The following ADGRL3 variants were observed in gnomAD, a reference collection of about 807,000 sequenced individuals.
The protein encoded by ADGRL3 is adhesion G protein-coupled receptor L3, also known as calcium-independent alpha-latrotoxin receptor 3.
In ADGRL3, 62 loss-of-function variants were observed where a neutral mutation model predicts 153.5. The ratio of observed to expected loss-of-function variants is 0.40; its 90% confidence interval spans 0.33 to 0.50. The LOEUF is 0.50. Ranked by LOEUF, ADGRL3 falls within the 20% of genes least tolerant of loss-of-function variation. The pLI is 0.47. For synonymous variants in ADGRL3, 710 were observed against 672.5 expected (o/e 1.06, Z -0.86); for missense variants, 1,641 against 1,859.4 (o/e 0.88, Z 2.16).
At position 62,078,082 on chromosome 4, in the gene ADGRL3, T is replaced by G. The variant is rs1451921259; in HGVS notation, c.*7174T>G. 1 of 152,016 alleles carries G rather than the reference T, an allele frequency of 6.6e-6. No individual in the cohort carries two copies. The highest frequency in any genetic ancestry group is 1.5e-5 in the Non-Finnish European group (1 of 67,896). The allele number at this position is 152,016 out of a possible 1,614,324, so 9.4% of individuals were successfully genotyped here. A position where few individuals can be genotyped will look rare whatever the true frequency, so the allele number is the denominator to read the frequency against. On this transcript the variant is annotated 3_prime_UTR_variant, in exon 27 of 27. Coordinates refer to ENST00000683033, the MANE Select transcript of ADGRL3 (RefSeq NM_001387552.1). ...ATAGTTTATTTTTAAAACTAACAAC[T>G]AATTGTGTTATTCCTTGTTGATAAG...
At chr4:61,604,034 T>A (rs2149566525) in intron 5 of ADGRL3, among the ~76,000 whole-genome samples, 1 of 152,308 alleles carries the variant, frequency 6.6e-6, no homozygotes, top group African/African-American at 2.4e-5. Context: ...TAAATTTGAA[T>A]TCTAATTTTA....
chr4:61,373,199 G>T (rs1040155899), intron 1 of ADGRL3, among the ~76,000 whole-genome samples: 3 of 152,160 alleles, frequency 2.0e-5, no homozygotes, highest in Non-Finnish European at 4.4e-5. Context: ...CGTCGCTCAG[G>T]CTGGGAGCTG....
At chr4:61,877,053 G>A (rs138525792) in intron 9 of ADGRL3, among the ~76,000 whole-genome samples, 12 of 152,230 alleles carry the variant, frequency 7.9e-5, no homozygotes, top group African/African-American at 1.9e-4. Flanking sequence ...GAGGTTAGCA[G>A]AACATGGATT....
At chr4:61,835,532 C>T (rs139732256) in intron 9 of ADGRL3, among the ~76,000 whole-genome samples, 2 of 151,920 alleles carry the variant, frequency 1.3e-5, no homozygotes, top group Admixed American at 6.6e-5. Flanking sequence ...AAAATAAATC[C>T]TTTTAAACTT....
At chr4:61,259,048 A>C (rs2092273738) in intron 1 of ADGRL3, among the ~76,000 whole-genome samples, 1 of 152,194 alleles carries the variant, frequency 6.6e-6, no homozygotes, top group South Asian at 2.1e-4. Context: ...CATCAATTGA[A>C]CTTACCTCAA....
intron 2 of ADGRL3, among the ~76,000 whole-genome samples, chr4:61,430,442 G>A (rs1056067487): frequency 5.3e-5 from 8 of 152,178 alleles, no homozygotes; most frequent in Non-Finnish European, 1.0e-4. Context: ...ATTTATAAAA[G>A]TATATCAATG....
In ADGRL3 at chr4:62,031,528, T is replaced by G. The variant is rs1244521229; in HGVS notation, c.3509T>G (p.Val1170Gly). 2 of 1,610,546 alleles carry G rather than the reference T, an allele frequency of 1.2e-6. No individual in the cohort carries two copies. Among genetic ancestry groups the G allele is most frequent in the African/African-American group, 1.3e-5 (1 of 74,870 alleles). The change falls in exon 23 of 27, where the codon GTC (valine) becomes GGC (glycine). Residue 1170 changes from valine (V) to glycine (G), a missense_variant. Coordinates refer to ENST00000683033, the MANE Select transcript of ADGRL3 (RefSeq NM_001387552.1). ...CTCATGTATATTAATGAAAGCACAG[T>G]CATCATGGCCTATCTCTTCACCATT... is the stretch of plus-strand genomic sequence containing the variant. ...FGLMYINEST[V>G]IMAYLFTIFN...
chr4:61,849,046 T>A (rs2098170110), intron 9 of ADGRL3, among the ~76,000 whole-genome samples: 1 of 152,182 alleles, frequency 6.6e-6, no homozygotes. Flanking sequence ...TAGCAAGTTA[T>A]AAGTTATACA....
intron 5 of ADGRL3, among the ~76,000 whole-genome samples, chr4:61,659,468 C>A (rs1439991252): frequency 6.6e-6 from 1 of 152,156 alleles, no homozygotes; most frequent in South Asian, 2.1e-4. Flanking sequence ...GCAGTGGACA[C>A]ATGGTAGTCT....
intron 1 of ADGRL3, among the ~76,000 whole-genome samples, chr4:61,268,812 G>A (rs2149740595): frequency 6.6e-6 from 1 of 151,642 alleles, no homozygotes; most frequent in Middle Eastern, 3.4e-3. Flanking sequence ...GAAAATATAT[G>A]ATCAAGTTGT....
intron 2 of ADGRL3, among the ~76,000 whole-genome samples, chr4:61,476,562 C>T (rs142405370): frequency 1.3e-4 from 19 of 151,462 alleles, no homozygotes; most frequent in African/African-American, 3.6e-4. Flanking sequence ...AAAAATTAGC[C>T]GGTATGGTGG....
In ADGRL3 at chr4:61,626,493, G is replaced by A. The variant is rs539451887; in HGVS notation, c.473+39053G>A. ...GTCTACCCTATTGCAAAGTTGAAAC[G>A]TGAAATTTCTTCTTTCTCAAGAGGG... On this transcript the variant is annotated intron_variant, in intron 5 of 26. Coordinates refer to ENST00000683033, the MANE Select transcript of ADGRL3 (RefSeq NM_001387552.1). 3.1e-3 allele frequency among the ~76,000 whole-genome samples: 478 copies of A among 151,958 alleles called. 3 individuals carry two copies. Among genetic ancestry groups the A allele is most frequent in the Middle Eastern group, 0.014 (4 of 294 alleles).
At chr4:61,677,112 C>A (rs2095220128) in intron 6 of ADGRL3, 177 bp downstream of exon 6, 1 of 537,782 alleles carries the variant, frequency 1.9e-6, no homozygotes, top group African/African-American at 1.9e-5. Context: ...TAGATATTGC[C>A]TACCCTCTCC....
At chr4:62,056,779 G>A (rs578254630) in intron 25 of ADGRL3, among the ~76,000 whole-genome samples, 12 of 152,148 alleles carry the variant, frequency 7.9e-5, no homozygotes, top group African/African-American at 2.6e-4. Context: ...TCAAGACAAA[G>A]GAGAGAGAAA....
intron 5 of ADGRL3, among the ~76,000 whole-genome samples, chr4:61,595,647 C>T (rs1188047031): frequency 6.6e-6 from 1 of 152,032 alleles, no homozygotes; most frequent in Non-Finnish European, 1.5e-5. Flanking sequence ...ATGGCACAAG[C>T]ACTCCTTGAG....
intron 25 of ADGRL3, among the ~76,000 whole-genome samples, chr4:62,064,830 C>T (rs1742134840): frequency 6.6e-6 from 1 of 151,800 alleles, no homozygotes; most frequent in Non-Finnish European, 1.5e-5. Context: ...TTGCCAGATG[C>T]GGAGGATGAT....
At chr4:61,678,673 A>G (rs1367422739) in intron 6 of ADGRL3, among the ~76,000 whole-genome samples, 1 of 152,012 alleles carries the variant, frequency 6.6e-6, no homozygotes, top group Non-Finnish European at 1.5e-5. Flanking sequence ...CTGAAAGTTT[A>G]CTGCCTGCCT....
At chr4:61,635,570 T>C (rs2150085010) in intron 5 of ADGRL3, among the ~76,000 whole-genome samples, 1 of 151,644 alleles carries the variant, frequency 6.6e-6, no homozygotes, top group East Asian at 1.9e-4. Context: ...GACTCTTAAG[T>C]CCTGCTACAG....
At chr4:61,581,411 G>A (rs1020961011) in intron 4 of ADGRL3, among the ~76,000 whole-genome samples, 5 of 151,978 alleles carry the variant, frequency 3.3e-5, no homozygotes, top group Non-Finnish European at 5.9e-5. Flanking sequence ...TCAGCAAAGA[G>A]TAATTTTGAG....
Sources: allele counts gnomAD v4.1 joint callset (sites outside exome capture counted in the v4.1 genomes callset), GRCh38; gene constraint gnomAD v4.1.1; transcripts MANE v1.5; gene names NCBI Gene and HGNC (gene_info 2026-07-23, HGNC 2026-07-21).